Variants in TMEM178B observed in about 807,000 individuals in gnomAD.
TMEM178B encodes transmembrane protein 178B.
A neutral mutation model predicts 31.0 loss-of-function variants in TMEM178B; 5 were observed. The ratio of observed to expected loss-of-function variants is 0.16; its 90% CI spans 0.08 to 0.34. The LOEUF is 0.34. Ranked by LOEUF, TMEM178B falls within the 10% of genes least tolerant of loss-of-function variation. The pLI is 1.00. For missense variants in TMEM178B, 275 were observed against 400.3 expected, an observed-to-expected ratio of 0.69 and a Z score of 2.67; for synonymous variants, 164 against 164.0, an observed-to-expected ratio of 1.00 and a Z score of 0.00.
At chr7:141,320,746 G>A (rs926747791) in intron 2 of TMEM178B, among the ~76,000 whole-genome samples, 5 of 152,128 alleles carry the variant, frequency 3.3e-5, no homozygotes, top group African/African-American at 9.7e-5. Context: ...TATGATAGAG[G>A]TATTATCTGT....
intron 1 of TMEM178B, among the ~76,000 whole-genome samples, chr7:141,089,808 A>G (rs1002997852): frequency 3.9e-5 from 6 of 151,986 alleles, no homozygotes; most frequent in Non-Finnish European, 8.8e-5. Context: ...GGAATTGAAC[A>G]GTGAGAACAC....
intron 2 of TMEM178B, among the ~76,000 whole-genome samples, chr7:141,216,294 C>T (rs756397062): frequency 3.3e-5 from 5 of 151,972 alleles, no homozygotes; most frequent in East Asian, 1.9e-4. Flanking sequence ...CTGGTGTGTG[C>T]GCTCATACAC....
At chr7:141,424,924 G>A (rs144977776) in intron 2 of TMEM178B, among the ~76,000 whole-genome samples, 66 of 152,238 alleles carry the variant, frequency 4.3e-4, no homozygotes, top group African/African-American at 1.6e-3. Flanking sequence ...GAAGTGGCAC[G>A]GATCATGAAA....
intron 1 of TMEM178B, among the ~76,000 whole-genome samples, chr7:141,146,110 C>T (rs1435773907): frequency 6.6e-6 from 1 of 152,216 alleles, no homozygotes; most frequent in Admixed American, 6.5e-5. Flanking sequence ...TTAATACCCT[C>T]ACTTACAGAT....
At chr7:141,264,562 G>A (rs1798064465) in intron 2 of TMEM178B, among the ~76,000 whole-genome samples, 1 of 152,224 alleles carries the variant, frequency 6.6e-6, no homozygotes, top group Non-Finnish European at 1.5e-5. Flanking sequence ...TGTGCTGAAA[G>A]CTTATGTATG....
At chr7:141,419,352 A>G (rs186924779) in intron 2 of TMEM178B, among the ~76,000 whole-genome samples, 3 of 152,228 alleles carry the variant, frequency 2.0e-5, no homozygotes, top group Admixed American at 2.0e-4. Context: ...CATCATCCAA[A>G]CCAGAATCCT....
intron 2 of TMEM178B, among the ~76,000 whole-genome samples, chr7:141,401,936 T>TA (rs1800784951): frequency 6.6e-6 from 1 of 152,194 alleles, no homozygotes; most frequent in Non-Finnish European, 1.5e-5. Context: ...AGCACTATAG[T>TA]AAAAGGACCT....
intron 2 of TMEM178B, among the ~76,000 whole-genome samples, chr7:141,257,365 T>C (rs1797944219): frequency 6.6e-6 from 1 of 152,226 alleles, no homozygotes; most frequent in Admixed American, 6.5e-5. Context: ...CTAATAGCTC[T>C]TGCTGTTGAG....
rs549390959 is a variant in TMEM178B, at chr7:141,270,092, A to T, written c.496+57388A>T. Among the ~76,000 whole-genome samples, 90 of 151,664 alleles carry T rather than the reference A, an allele frequency of 5.9e-4. 1 individual carries two copies. The South Asian group carries it at 0.018, about 30-fold the overall frequency. On this transcript the variant is annotated intron_variant, in intron 2 of 3. Coordinates refer to ENST00000565468, the MANE Select transcript of TMEM178B (RefSeq NM_001195278.2). The stretch of plus-strand genomic sequence containing the variant: ...AAAAACAAACAAACAAAAAACTCAT[A>T]AAAAAAACACAACAAAAGCAACAAC...
chr7:141,159,017 A>G (rs1796122400), intron 1 of TMEM178B, among the ~76,000 whole-genome samples: 1 of 152,050 alleles, frequency 6.6e-6, no homozygotes, highest in Non-Finnish European at 1.5e-5. Context: ...ATTTAAAGAT[A>G]TTTATATCCC....
chr7:141,196,581 T>A (rs183182035), intron 1 of TMEM178B, among the ~76,000 whole-genome samples: 12 of 152,304 alleles, frequency 7.9e-5, no homozygotes, highest in African/African-American at 2.4e-4. Context: ...CTTGGACTCA[T>A]CAGGTTAGAG....
At chr7:141,176,112 A>G (rs1796429350) in intron 1 of TMEM178B, among the ~76,000 whole-genome samples, 1 of 152,086 alleles carries the variant, frequency 6.6e-6, no homozygotes, top group Non-Finnish European at 1.5e-5. Flanking sequence ...AATAGCTCTT[A>G]TTATTTTGAG....
chr7:141,243,629 CCTT>C (rs1259113816), intron 2 of TMEM178B, among the ~76,000 whole-genome samples: 1 of 152,234 alleles, frequency 6.6e-6, no homozygotes, highest in African/African-American at 2.4e-5. Context: ...CTTCCTTCCT[CCTT>C]CTCAAATCCA....
intron 1 of TMEM178B, among the ~76,000 whole-genome samples, chr7:141,197,935 TTTCCA>T (rs1246673638): frequency 6.6e-6 from 1 of 152,156 alleles, no homozygotes; most frequent in Non-Finnish European, 1.5e-5. Flanking sequence ...ACCCTGCCAG[TTTCCA>T]TTCAAGTTTT....
chr7:141,138,807 C>T (rs929559690), intron 1 of TMEM178B, among the ~76,000 whole-genome samples: 1 of 151,588 alleles, frequency 6.6e-6, no homozygotes, highest in Non-Finnish European at 1.5e-5. Context: ...ATGGTGAAAC[C>T]CTGTCTCTAC....
chr7:141,504,709 T>C, the TMEM178B span, among the ~76,000 whole-genome samples: 1 of 152,244 alleles, frequency 6.6e-6, no homozygotes, highest in Non-Finnish European at 1.5e-5. Flanking sequence ...TTTATTTCAA[T>C]AGCTTTTGGG....
intron 3 of TMEM178B, among the ~76,000 whole-genome samples, chr7:141,439,524 G>A (rs1367464069): frequency 6.6e-6 from 1 of 152,056 alleles, no homozygotes; most frequent in Non-Finnish European, 1.5e-5. Flanking sequence ...CTATATTTTA[G>A]CAATGGAAGC....
intron 3 of TMEM178B, among the ~76,000 whole-genome samples, chr7:141,451,382 C>A (rs1430828418): frequency 6.6e-6 from 1 of 152,246 alleles, no homozygotes; most frequent in Non-Finnish European, 1.5e-5. Context: ...CTCAGTTTAG[C>A]ACTGACTCCT....
At chr7:141,214,796 A>C (rs1014353440) in intron 2 of TMEM178B, among the ~76,000 whole-genome samples, 1 of 152,056 alleles carries the variant, frequency 6.6e-6, no homozygotes, top group Admixed American at 6.6e-5. Context: ...TGTGCAGCCT[A>C]TGCTGTGAAC....
Sources: gnomAD v4.1 joint callset for allele counts (sites outside exome capture counted in the v4.1 genomes callset) on GRCh38, gnomAD v4.1.1 for gene constraint, MANE v1.5 for transcripts, NCBI Gene and HGNC (gene_info 2026-07-23, HGNC 2026-07-21) for gene names.